SLC5A3: variants seen among roughly 807,000 people sequenced by gnomAD.
The protein encoded by SLC5A3 is sodium/myo-inositol cotransporter.
In SLC5A3, 10 loss-of-function variants were observed where a neutral mutation model predicts 43.2. The observed-to-expected ratio is 0.23, with a 90% confidence interval of 0.14 to 0.39. The LOEUF is 0.39. SLC5A3 is among the 10% of genes least tolerant of loss of function. SLC5A3 has a pLI of 1.00. For synonymous variants in SLC5A3, 349 were observed against 322.0 expected, an observed-to-expected ratio of 1.08 and a Z score of -0.90; for missense variants, 608 against 893.4, an observed-to-expected ratio of 0.68 and a Z score of 4.07.
chr21:34,089,659 C>G (rs1239816633), intron 1 of SLC5A3, among the ~76,000 whole-genome samples: 1 of 152,032 alleles, frequency 6.6e-6, no homozygotes, highest in Admixed American at 6.5e-5. Context: ...TTAACCCCTC[C>G]CCACTCCTGT....
In SLC5A3 at chr21:34,100,100, C is replaced by T. The variant is rs1223367945; in HGVS notation, c.*2745C>T. The stretch of plus-strand genomic sequence containing the variant: ...GTGTATATTTTTATATTAGCTCAAG[C>T]TAAGGTTCAGAATTGAAGCTTGATA... On this transcript the variant is annotated 3_prime_UTR_variant, in exon 2 of 2. Coordinates refer to ENST00000381151, the MANE Select transcript of SLC5A3 (RefSeq NM_006933.7). 1.0e-6 allele frequency: 1 copy of T among 998,894 alleles called. No homozygotes were observed. Among genetic ancestry groups the T allele is most frequent in the Non-Finnish European group, 1.2e-6 (1 of 828,892 alleles). The allele number at this position is 998,894 out of a possible 1,614,324, so 61.9% of individuals were successfully genotyped here.
At position 34,097,733 on chromosome 21, in the gene SLC5A3, C is replaced by A; in HGVS notation, c.*378C>A. 5 of 1,006,664 alleles carry A rather than the reference C, an allele frequency of 5.0e-6. No individual in the cohort carries two copies. Among genetic ancestry groups the A allele is most frequent in the Non-Finnish European group, 6.0e-6 (5 of 834,482 alleles). 62.4% of individuals were successfully genotyped at this position (1,006,664 alleles called of 1,614,324 possible). A position where few individuals can be genotyped will look rare whatever the true frequency, so the allele number is the denominator to read the frequency against. ...CTTACCCTGAAGTAGAAGATTTGCTCATTTCTAAATTTTTTTTTCTGTCTC... is the reference window on the plus strand; with the variant it reads ...CTTACCCTGAAGTAGAAGATTTGCTAATTTCTAAATTTTTTTTTCTGTCTC... On this transcript the variant is annotated 3_prime_UTR_variant, in exon 2 of 2. Coordinates refer to ENST00000381151, the MANE Select transcript of SLC5A3 (RefSeq NM_006933.7).
Position 34,098,258 on chromosome 21 carries a change from T to A in SLC5A3, c.*903T>A, listed in dbSNP as rs1979064045. 2.0e-6 allele frequency: 2 copies of A among 999,992 alleles called. No individual in the cohort carries two copies. The highest frequency in any genetic ancestry group is 2.4e-6 in the Non-Finnish European group (2 of 829,854). 61.9% of individuals were successfully genotyped at this position (999,992 alleles called of 1,614,324 possible). A position where few individuals can be genotyped will look rare whatever the true frequency, so the allele number is the denominator to read the frequency against. ...TATTCTGCTAATTTTCTAGCTTTAT[T>A]CTTGTTATTTGGAAAAATTATTAGC... On this transcript the variant is annotated 3_prime_UTR_variant, in exon 2 of 2. Transcript: ENST00000381151.
At position 34,104,909 on chromosome 21, in the gene SLC5A3, A is replaced by C; in HGVS notation, c.*7554A>C. ...GATTTCTTTGGCAGAAATGCCTTTCATCTATAATTTCATGGAGAACTGCTT... is the reference window on the plus strand; with the variant it reads ...GATTTCTTTGGCAGAAATGCCTTTCCTCTATAATTTCATGGAGAACTGCTT... On this transcript the variant is annotated 3_prime_UTR_variant, in exon 2 of 2. Coordinates refer to ENST00000381151, the MANE Select transcript of SLC5A3 (RefSeq NM_006933.7). 6.0e-6 allele frequency: 6 copies of C among 1,000,214 alleles called. No homozygotes were observed. The highest frequency in any genetic ancestry group is 7.2e-6 in the Non-Finnish European group (6 of 829,918). 62.0% of individuals were successfully genotyped at this position (1,000,214 alleles called of 1,614,324 possible). A position where few individuals can be genotyped will look rare whatever the true frequency, so the allele number is the denominator to read the frequency against.
rs562193560 is a variant in SLC5A3 at position 34,104,449 on chromosome 21, T to A, written c.*7094T>A. 98 of 999,810 alleles carry A rather than the reference T, an allele frequency of 9.8e-5. No homozygotes were observed. In the East Asian group the frequency reaches 4.0e-3, roughly 40 times the overall value. 61.9% of individuals were successfully genotyped at this position (999,810 alleles called of 1,614,324 possible). On this transcript the variant is annotated 3_prime_UTR_variant, in exon 2 of 2. Coordinates refer to ENST00000381151, the MANE Select transcript of SLC5A3 (RefSeq NM_006933.7). ...TAAATTTTGCCCATGTGTTAAAAGA[T>A]GTAATTCTCAGAATGGGAGAGAAAT...
Position 34,097,890 on chromosome 21 carries a change from A to G in SLC5A3, c.*535A>G. ...CATTTGCCAGGTTCATTTTGTTAGC[A>G]TGAGCCTACGGATTCTGATTTCCCA... On this transcript the variant is annotated 3_prime_UTR_variant, in exon 2 of 2. Coordinates refer to ENST00000381151, the MANE Select transcript of SLC5A3 (RefSeq NM_006933.7). The G allele has an allele frequency of 1.0e-6, 1 of 997,512 alleles. No individual in the cohort carries two copies. The highest frequency in any genetic ancestry group is 1.2e-6 in the Non-Finnish European group (1 of 827,458). The allele number at this position is 997,512 out of a possible 1,614,324, so 61.8% of individuals were successfully genotyped here.
At position 34,095,939 on chromosome 21, in the gene SLC5A3, C is replaced by T; in HGVS notation, c.741C>T (p.Ala247=). ...NSCNVSPKKE[A]LKMLRNPTDE... is the part of the protein sequence containing the mutation. ...GTAATGTCTCCCCTAAGAAAGAAGCCCTGAAAATGCTGCGGAATCCAACAG... is the reference window on the plus strand; with the variant it reads ...GTAATGTCTCCCCTAAGAAAGAAGCTCTGAAAATGCTGCGGAATCCAACAG... The change falls in exon 2 of 2, where the codon GCC becomes GCT. Residue 247 remains alanine, a synonymous_variant. Transcript: ENST00000381151. The T allele has an allele frequency of 3.7e-6, 6 of 1,614,078 alleles. No homozygotes were observed. The highest frequency in any genetic ancestry group is 5.1e-6 in the Non-Finnish European group (6 of 1,179,984).
chr21:34,083,198 C>T (rs962623891), intron 1 of SLC5A3, among the ~76,000 whole-genome samples: 1 of 152,120 alleles, frequency 6.6e-6, no homozygotes, highest in Non-Finnish European at 1.5e-5. Context: ...TGGATATAAT[C>T]CAGTTTGAGA....
rs553435459 is a variant in SLC5A3, at chr21:34,097,433, C to T, written c.*78C>T. On this transcript the variant is annotated 3_prime_UTR_variant, in exon 2 of 2. Coordinates refer to ENST00000381151, the MANE Select transcript of SLC5A3 (RefSeq NM_006933.7). ...GGAAAAAAGTTATGTAACTGTGCAT[C>T]TCTCAGGCATTGTTTACGCTGTAGG... 1,245 of 1,504,386 alleles carry T rather than the reference C, an allele frequency of 8.3e-4. 13 individuals are homozygous for T. The African/African-American group carries it at 0.016, about 19-fold the overall frequency. The allele number at this position is 1,504,386 out of a possible 1,614,324, so 93.2% of individuals were successfully genotyped here. A position where few individuals can be genotyped will look rare whatever the true frequency, so the allele number is the denominator to read the frequency against.
intron 1 of SLC5A3, among the ~76,000 whole-genome samples, chr21:34,076,053 C>T (rs1341094273): frequency 1.3e-5 from 2 of 152,124 alleles, no homozygotes; most frequent in Non-Finnish European, 2.9e-5. Context: ...CCTCTTTACC[C>T]CTTTAATATG....
At chr21:34,088,189 T>A (rs1303189848) in intron 1 of SLC5A3, among the ~76,000 whole-genome samples, 1 of 9,376 alleles carries the variant, frequency 1.1e-4, no homozygotes, top group Non-Finnish European at 1.9e-4. Flanking sequence ...TGATAAAGAT[T>A]GGCTTAGATA....
At chr21:34,086,089 G>A (rs1246470290) in intron 1 of SLC5A3, among the ~76,000 whole-genome samples, 1 of 152,148 alleles carries the variant, frequency 6.6e-6, no homozygotes, top group Admixed American at 6.5e-5. Context: ...CTCTGTAATA[G>A]CTTCTTACCC....
chr21:34,096,077 T>C lies in SLC5A3; in HGVS notation c.879T>C (p.Ala293=). 6.2e-7 allele frequency: 1 copy of C among 1,614,130 alleles called. No homozygotes were observed. Residue 293 remains alanine, a synonymous_variant, in exon 2 of 2, where the codon GCT becomes GCC. Coordinates refer to ENST00000381151, the MANE Select transcript of SLC5A3 (RefSeq NM_006933.7). The surrounding 1 kb of genome is among the most constrained non-coding windows in gnomAD (Gnocchi z 5.9). ...VQRVLAAKNI[A]HAKGSTLMAG... is the part of the protein sequence containing the mutation. ...GGGTCCTTGCAGCCAAAAACATTGC[T>C]CATGCCAAAGGCTCTACTCTTATGG...
chr21:34,096,927 G>A lies in SLC5A3; in HGVS notation c.1729G>A (p.Glu577Lys). ...MQEKSILRCS[E>K]NNETINHIIP... ...AGAAAAGAGCATTCTGAGATGCAGT[G>A]AGAATAATGAGACCATCAACCACAT... Residue 577 changes from glutamate to lysine, a missense_variant, in exon 2 of 2, where the codon GAG (glutamate) becomes AAG (lysine). Physicochemically the swap from Glu to Lys is moderately conservative, Grantham distance 56 (BLOSUM62 1). Transcript: ENST00000381151. This position sits in a 1 kb window ranked among gnomAD's most constrained non-coding sequence, Gnocchi z 5.9. 2 of 1,614,122 alleles carry A rather than the reference G, an allele frequency of 1.2e-6. No individual in the cohort carries two copies. Among genetic ancestry groups the A allele is most frequent in the Middle Eastern group, 1.7e-4 (1 of 6,060 alleles).
chr21:34,103,559 A>C lies in SLC5A3; in HGVS notation c.*6204A>C, dbSNP rs2148662337. ...TTTATATTCCATGATAGAAAGCTAA[A>C]GTCCATAGAAAGCACAAAATCGTGT... On this transcript the variant is annotated 3_prime_UTR_variant, in exon 2 of 2. Transcript: ENST00000381151. The C allele has an allele frequency of 1.0e-6, 1 of 1,000,236 alleles. No individual in the cohort carries two copies. Among genetic ancestry groups the C allele is most frequent in the South Asian group, 4.7e-5 (1 of 21,290 alleles). The allele number at this position is 1,000,236 out of a possible 1,614,324, so 62.0% of individuals were successfully genotyped here. A position where few individuals can be genotyped will look rare whatever the true frequency, so the allele number is the denominator to read the frequency against.
rs1979405923 is a variant in SLC5A3 at position 34,104,836 on chromosome 21, T to G, written c.*7481T>G. The stretch of plus-strand genomic sequence containing the variant: ...ATGTGTTCTGTACCTTTACATGTTT[T>G]TAAATTTAAGATAGTTTGTAAGAAC... On this transcript the variant is annotated 3_prime_UTR_variant, in exon 2 of 2. Transcript: ENST00000381151. 1.1e-5 allele frequency: 11 copies of G among 1,000,046 alleles called. No homozygotes were observed. The highest frequency in any genetic ancestry group is 1.3e-5 in the Non-Finnish European group (11 of 829,856). 61.9% of individuals were successfully genotyped at this position (1,000,046 alleles called of 1,614,324 possible).
rs1979080730 is a variant in SLC5A3, at chr21:34,098,578, A to C, written c.*1223A>C. ...ACTGGCCGTCGGTAACAGAAAACTCAGTGCATACTTTGCTGTTGTTAGGTT... is the reference window on the plus strand; with the variant it reads ...ACTGGCCGTCGGTAACAGAAAACTCCGTGCATACTTTGCTGTTGTTAGGTT... On this transcript the variant is annotated 3_prime_UTR_variant, in exon 2 of 2. Coordinates refer to ENST00000381151, the MANE Select transcript of SLC5A3 (RefSeq NM_006933.7). The C allele has an allele frequency of 1.0e-6, 1 of 1,000,156 alleles. No homozygotes were observed. Among genetic ancestry groups the C allele is most frequent in the Admixed American group, 6.2e-5 (1 of 16,260 alleles). The allele number at this position is 1,000,156 out of a possible 1,614,324, so 62.0% of individuals were successfully genotyped here.
Position 34,097,159 on chromosome 21 carries a change from A to G in SLC5A3, c.1961A>G (p.Tyr654Cys). The G allele has an allele frequency of 6.2e-7, 1 of 1,614,098 alleles. No homozygotes were observed. Among genetic ancestry groups the G allele is most frequent in the Non-Finnish European group, 8.5e-7 (1 of 1,179,964 alleles). ...RKKETDDGGRYWKFIDWFCGF... is the reference protein window; with the variant it reads ...RKKETDDGGRCWKFIDWFCGF... ...AAAGAAACGGATGATGGAGGTCGGT[A>G]CTGGAAGTTCATAGACTGGTTTTGT... is the stretch of plus-strand genomic sequence containing the variant. Residue 654 changes from tyrosine to cysteine, a missense_variant, in exon 2 of 2, where the codon TAC (tyrosine) becomes TGC (cysteine). This residue lies in a region of SLC5A3 where 210 missense variants were observed against 224.8 expected (regional missense o/e 0.93). Coordinates refer to ENST00000381151, the MANE Select transcript of SLC5A3 (RefSeq NM_006933.7).
In SLC5A3 at chr21:34,095,522, C is replaced by T. The variant is rs746867702; in HGVS notation, c.324C>T (p.Thr108=). Residue 108 remains threonine (T), a synonymous_variant, in exon 2 of 2, where the codon ACC becomes ACT. Transcript: ENST00000381151. ...IPIYIRSGVY[T]MPEYLSKRFG... is the part of the protein sequence containing the mutation. ...TTTACATCCGGTCAGGGGTATATAC[C>T]ATGCCTGAATACTTGTCCAAGCGAT... 8 of 1,613,940 alleles carry T rather than the reference C, an allele frequency of 5.0e-6. No homozygotes were observed. The South Asian group carries it at 6.6e-5, about 13-fold the overall frequency.
Sources: allele counts gnomAD v4.1 joint callset (sites outside exome capture counted in the v4.1 genomes callset), GRCh38; gene constraint gnomAD v4.1.1; regional missense constraint gnomAD v4.1.1; non-coding constraint Gnocchi (gnomAD v3.1); transcripts MANE v1.5; gene names NCBI Gene and HGNC (gene_info 2026-07-23, HGNC 2026-07-21).